The following OXSR1 variants were observed in gnomAD, a reference collection of about 807,000 sequenced individuals.
OXSR1 encodes the protein oxidative stress responsive kinase 1.
In OXSR1, 24 loss-of-function variants were observed where a neutral mutation model predicts 79.8. That is an observed-to-expected ratio of 0.30 (90% CI 0.22 to 0.42). The LOEUF (loss-of-function observed/expected upper bound fraction) is 0.42, where lower values mean the gene tolerates loss of function less well. OXSR1 is among the 10% of genes least tolerant of loss of function. The probability of loss-of-function intolerance (pLI) is 1.00; values close to 1 mark genes in which losing one functional copy is unlikely to be tolerated. For synonymous variants in OXSR1, 226 were observed against 209.2 expected, an observed-to-expected ratio of 1.08 and a Z score of -0.69; for missense variants, 430 against 618.4, an observed-to-expected ratio of 0.70 and a Z score of 3.23.
At chr3:38,183,374 T>C (rs1247987850) in intron 2 of OXSR1, among the ~76,000 whole-genome samples, 1 of 152,226 alleles carries the variant, frequency 6.6e-6, no homozygotes, top group Non-Finnish European at 1.5e-5. Flanking sequence ...TTTATGATAA[T>C]GTAGTCAGAT....
At chr3:38,193,334 G>T in intron 3 of OXSR1, 1 of 1,289,590 alleles carries the variant, frequency 7.8e-7, no homozygotes, top group Non-Finnish European at 1.0e-6. Flanking sequence ...TCATATGATG[G>T]TTGGAAGCTT....
At chr3:38,166,580 C>G (rs1374948450) in intron 1 of OXSR1, among the ~76,000 whole-genome samples, 1 of 152,012 alleles carries the variant, frequency 6.6e-6, no homozygotes. Flanking sequence ...ATCACGAGGT[C>G]GGGGGTTCGA....
In OXSR1 at chr3:38,198,739, A is replaced by G; in HGVS notation, c.310A>G (p.Ile104Val). 6.2e-7 allele frequency: 1 copy of G among 1,613,210 alleles called. No homozygotes were observed. The highest frequency in any genetic ancestry group is 8.5e-7 in the Non-Finnish European group (1 of 1,179,282). Reference sequence around the variant, plus strand: ...GTTTTCAGGTTCTGTTCTGGATATTATTAAGCACATTGTGGCAAAAGGGGA... The same window carrying G: ...GTTTTCAGGTTCTGTTCTGGATATTGTTAAGCACATTGTGGCAAAAGGGGA... ...LLSGGSVLDI[I>V]KHIVAKGEHK... Residue 104 changes from isoleucine (I) to valine (V), a missense_variant, in exon 4 of 18, where the codon ATT becomes GTT. Physicochemically the swap from Ile to Val is conservative, Grantham distance 29. Around this residue, in one of 3 missense-constraint regions of OXSR1, gnomAD observed 145 missense variants for 228.3 expected, o/e 0.64. Coordinates refer to ENST00000311806, the MANE Select transcript of OXSR1 (RefSeq NM_005109.3).
intron 4 of OXSR1, among the ~76,000 whole-genome samples, chr3:38,201,723 A>G (rs1022323491): frequency 1.4e-4 from 21 of 148,238 alleles, no homozygotes; most frequent in Non-Finnish European, 2.7e-4. Flanking sequence ...AAAAATCCAG[A>G]TATGGTGGTG....
chr3:38,190,868 G>C, intron 3 of OXSR1, 29 bp downstream of exon 3: 1 of 1,200,230 alleles, frequency 8.3e-7, no homozygotes, highest in Non-Finnish European at 1.2e-6. Flanking sequence ...AATGCTATAA[G>C]TACCATGGTT....
chr3:38,170,210 A>G (rs1701551522), intron 1 of OXSR1, among the ~76,000 whole-genome samples: 1 of 151,868 alleles, frequency 6.6e-6, no homozygotes, highest in African/African-American at 2.4e-5. Flanking sequence ...ACACCAGGCT[A>G]AGTTTTTGTA....
chr3:38,244,438 A>AT (rs1703094712), intron 12 of OXSR1, among the ~76,000 whole-genome samples: 7 of 152,090 alleles, frequency 4.6e-5, no homozygotes. Flanking sequence ...CAGTAACTGC[A>AT]TTCTCCCCAG....
intron 2 of OXSR1, among the ~76,000 whole-genome samples, chr3:38,190,050 A>C (rs1701953577): frequency 1.3e-5 from 2 of 152,194 alleles, no homozygotes; most frequent in African/African-American, 4.8e-5. Flanking sequence ...GGAGTTAGCT[A>C]AGCAGAGATG....
chr3:38,178,971 C>T (rs974186700), intron 1 of OXSR1, among the ~76,000 whole-genome samples: 1 of 151,494 alleles, frequency 6.6e-6, no homozygotes, highest in East Asian at 1.9e-4. Flanking sequence ...TCAAGTGATC[C>T]TCCCCACCTC....
intron 1 of OXSR1, among the ~76,000 whole-genome samples, chr3:38,180,817 A>G (rs898179434): frequency 2.6e-5 from 4 of 152,038 alleles, no homozygotes; most frequent in Non-Finnish European, 5.9e-5. Flanking sequence ...TATAGGCATG[A>G]GCCACTGTGC....
At chr3:38,238,601 T>G (rs1231267170) in intron 11 of OXSR1, among the ~76,000 whole-genome samples, 4 of 152,084 alleles carry the variant, frequency 2.6e-5, no homozygotes, top group Non-Finnish European at 5.9e-5. Context: ...GTTGACAGGC[T>G]TTTTTCTTTC....
chr3:38,217,549 A>T lies in OXSR1; in HGVS notation c.490+1398A>T, dbSNP rs926332794. Reference sequence around the variant, plus strand: ...TTTGTTTGTTTGTTTGTTTTTTTTGAGACAGTCTCGCTCTGTTGCCCAGGC... The same window carrying T: ...TTTGTTTGTTTGTTTGTTTTTTTTGTGACAGTCTCGCTCTGTTGCCCAGGC... On this transcript the variant is annotated intron_variant, in intron 5 of 17. Coordinates refer to ENST00000311806, the MANE Select transcript of OXSR1 (RefSeq NM_005109.3). Among the ~76,000 whole-genome samples, 9 of 152,070 alleles carry T rather than the reference A, an allele frequency of 5.9e-5. No individual in the cohort carries two copies. In the East Asian group the frequency reaches 1.5e-3, roughly 26 times the overall value.
intron 8 of OXSR1, among the ~76,000 whole-genome samples, chr3:38,226,763 G>A (rs763353798): frequency 2.4e-4 from 36 of 151,984 alleles, no homozygotes; most frequent in Non-Finnish European, 3.5e-4. Flanking sequence ...AAGGAAGAGA[G>A]ACTAAGAAAC....
chr3:38,164,748 A>G (rs999309457), upstream of OXSR1, among the ~76,000 whole-genome samples: 63 of 152,262 alleles, frequency 4.1e-4, no homozygotes, highest in African/African-American at 1.5e-3. Context: ...GAGTCCCTCA[A>G]GGCAGGTGCT....
At chr3:38,247,606 C>A in intron 13 of OXSR1, 62 bp from the exon 14 acceptor site, 1 of 1,170,104 alleles carries the variant, frequency 8.5e-7, no homozygotes, top group Middle Eastern at 1.9e-4. Context: ...TGCCAGTGAC[C>A]ATTAGTCACC....
At chr3:38,208,645 G>C (rs142602317) in intron 4 of OXSR1, among the ~76,000 whole-genome samples, 2,443 of 152,286 alleles carry the variant, frequency 0.016, 69 homozygotes, top group African/African-American at 0.054. Context: ...GCTCACGCCT[G>C]TAATCCCAGC....
At chr3:38,176,366 CT>C (rs1294705291) in intron 1 of OXSR1, among the ~76,000 whole-genome samples, 1 of 152,076 alleles carries the variant, frequency 6.6e-6, no homozygotes, top group African/African-American at 2.4e-5. Context: ...TATGATAAAA[CT>C]TTTAGATATT....
intron 2 of OXSR1, among the ~76,000 whole-genome samples, chr3:38,188,043 C>T (rs1238511888): frequency 1.3e-5 from 2 of 152,302 alleles, no homozygotes; most frequent in East Asian, 1.9e-4. Flanking sequence ...AAGATTCCCC[C>T]TTCCCCCTTT....
At chr3:38,177,480 C>T (rs1559500471) in intron 1 of OXSR1, among the ~76,000 whole-genome samples, 2 of 152,184 alleles carry the variant, frequency 1.3e-5, no homozygotes, top group Non-Finnish European at 2.9e-5. Context: ...AGTTAATGTT[C>T]CTAAACTGTT....
Sources: gnomAD v4.1 joint callset for allele counts (sites outside exome capture counted in the v4.1 genomes callset) on GRCh38, gnomAD v4.1.1 for gene constraint, gnomAD v4.1.1 regional missense constraint, MANE v1.5 for transcripts, NCBI Gene and HGNC (gene_info 2026-07-23, HGNC 2026-07-21) for gene names.